TTC29: variants seen among roughly 807,000 people sequenced by gnomAD.
The protein encoded by TTC29 is tetratricopeptide repeat protein 29.
TTC29 carries 49 observed loss-of-function variants against 58.1 expected under a neutral mutation model. The observed-to-expected ratio is 0.84, with a 90% confidence interval of 0.67 to 1.07. TTC29 has a LOEUF of 1.07. Among genes scored for constraint, TTC29 ranks in the 50% least tolerant of loss-of-function variants. The pLI is 0.00. For missense variants in TTC29, 582 were observed against 555.6 expected (o/e 1.05, Z -0.48); for synonymous variants, 209 against 196.8 (o/e 1.06, Z -0.52).
chr4:146,810,405 A>T (rs1396157541), intron 10 of TTC29, among the ~76,000 whole-genome samples: 2 of 152,024 alleles, frequency 1.3e-5, no homozygotes, highest in Non-Finnish European at 1.5e-5. Flanking sequence ...AAGTATATAT[A>T]AAAAAAGTCT....
At chr4:146,781,811 A>C (rs1343529845) in intron 11 of TTC29, among the ~76,000 whole-genome samples, 1 of 151,978 alleles carries the variant, frequency 6.6e-6, no homozygotes, top group Non-Finnish European at 1.5e-5. Flanking sequence ...AATTCCACCT[A>C]GCTGTGCACA....
At chr4:146,915,918 GAT>G (rs1197484193) in intron 4 of TTC29, among the ~76,000 whole-genome samples, 2 of 151,782 alleles carry the variant, frequency 1.3e-5, no homozygotes, top group Admixed American at 6.6e-5. Context: ...AAAATCAAAA[GAT>G]ATGTAACATC....
chr4:146,867,796 T>C (rs1280788513), intron 7 of TTC29, among the ~76,000 whole-genome samples: 1 of 152,126 alleles, frequency 6.6e-6, no homozygotes, highest in African/African-American at 2.4e-5. Context: ...GCTTTAAGGA[T>C]ATAATTATAT....
At chr4:146,931,852 A>AT (rs1400053441) in intron 4 of TTC29, among the ~76,000 whole-genome samples, 2 of 152,042 alleles carry the variant, frequency 1.3e-5, no homozygotes, top group Non-Finnish European at 2.9e-5. Context: ...ATTTGAGACC[A>AT]TTTTTTTGTA....
chr4:146,895,470 C>T (rs1195042931), intron 6 of TTC29, among the ~76,000 whole-genome samples: 3 of 152,264 alleles, frequency 2.0e-5, no homozygotes, highest in Non-Finnish European at 4.4e-5. Flanking sequence ...CTTCACTTCT[C>T]ATCAAGGGAA....
chr4:146,931,622 T>C (rs1377843995), intron 4 of TTC29, among the ~76,000 whole-genome samples: 1 of 152,228 alleles, frequency 6.6e-6, no homozygotes, highest in African/African-American at 2.4e-5. Flanking sequence ...GCTCCTATAA[T>C]AGCCAGAGCT....
At chr4:146,774,307 T>G (rs1004211019) in intron 11 of TTC29, among the ~76,000 whole-genome samples, 2 of 152,200 alleles carry the variant, frequency 1.3e-5, no homozygotes, top group Non-Finnish European at 2.9e-5. Context: ...ACAGTTCCCT[T>G]ACATGTGATG....
intron 6 of TTC29, among the ~76,000 whole-genome samples, chr4:146,881,298 A>C (rs1295053455): frequency 6.6e-6 from 1 of 152,166 alleles, no homozygotes; most frequent in Non-Finnish European, 1.5e-5. Context: ...TTGCATAAAA[A>C]TAATTTGACA....
chr4:146,921,712 T>C (rs1734592797), intron 4 of TTC29, among the ~76,000 whole-genome samples: 1 of 151,200 alleles, frequency 6.6e-6, no homozygotes, highest in Non-Finnish European at 1.5e-5. Flanking sequence ...TTAATTTTTT[T>C]CAGAAACTTA....
At chr4:146,709,232 A>G (rs928572492) in intron 11 of TTC29, among the ~76,000 whole-genome samples, 4 of 152,084 alleles carry the variant, frequency 2.6e-5, no homozygotes, top group Non-Finnish European at 5.9e-5. Context: ...TCTCCTGGTC[A>G]TACTTAGACC....
Position 146,803,540 on chromosome 4 carries a change from AT to A in TTC29, c.1246del (p.Ile416Ter). ...HQMMLTVNNYIESADLTSLNY... is the reference protein window; with the variant it reads ...HQMMLTVNNYXESADLTSLNY... ...GAGGCTGGTGAGATCTGCAGACTCTATATAGTTGTTCACTGTAAGCATCATC... is the reference window on the plus strand; with the variant it reads ...GAGGCTGGTGAGATCTGCAGACTCTAATAGTTGTTCACTGTAAGCATCATC... On this transcript the variant is annotated frameshift_variant, in exon 11 of 13. Coordinates refer to ENST00000325106, the MANE Select transcript of TTC29 (RefSeq NM_031956.4). LOFTEE classifies it high-confidence loss of function. The A allele has an allele frequency of 6.2e-7, 1 of 1,603,350 alleles. No homozygotes were observed. The highest frequency in any genetic ancestry group is 8.5e-7 in the Non-Finnish European group (1 of 1,174,176).
intron 6 of TTC29, among the ~76,000 whole-genome samples, chr4:146,879,505 C>G (rs1021852931): frequency 3.3e-5 from 5 of 152,104 alleles, no homozygotes; most frequent in Non-Finnish European, 7.4e-5. Context: ...TAAAAGACCT[C>G]AATATGGTGA....
At chr4:146,761,828 T>C (rs1746932601) in intron 11 of TTC29, among the ~76,000 whole-genome samples, 1 of 151,874 alleles carries the variant, frequency 6.6e-6, no homozygotes, top group South Asian at 2.1e-4. Flanking sequence ...TTATCTGAGT[T>C]ACTAATTTGA....
At chr4:146,938,873 A>ATGT (rs1736094353) in intron 3 of TTC29, among the ~76,000 whole-genome samples, 1 of 152,228 alleles carries the variant, frequency 6.6e-6, no homozygotes, top group African/African-American at 2.4e-5. Context: ...ACTAATATGT[A>ATGT]TGTTACTAAA....
intron 11 of TTC29, among the ~76,000 whole-genome samples, chr4:146,742,590 C>T (rs1227625974): frequency 9.6e-3 from 74 of 7,720 alleles, no homozygotes; most frequent in African/African-American, 0.011. Context: ...CCTTCCTTCC[C>T]TCCCTTCCTT....
At chr4:146,915,181 C>T (rs1319047270) in intron 4 of TTC29, among the ~76,000 whole-genome samples, 14 of 152,126 alleles carry the variant, frequency 9.2e-5, no homozygotes. Context: ...CACCCAGCTC[C>T]CTCTGGTTGC....
intron 10 of TTC29, among the ~76,000 whole-genome samples, chr4:146,817,804 A>G (rs1245991729): frequency 6.6e-6 from 1 of 152,220 alleles, no homozygotes; most frequent in African/African-American, 2.4e-5. Context: ...CTGATCTTTG[A>G]CAAAACTGAG....
At chr4:146,799,906 C>CTTAAAAA (rs1455271513) in intron 11 of TTC29, among the ~76,000 whole-genome samples, 3 of 152,080 alleles carry the variant, frequency 2.0e-5, no homozygotes, top group Non-Finnish European at 4.4e-5. Context: ...ATGAGCCTTT[C>CTTAAAAA]ATTTAAAAAA....
chr4:146,889,922 A>G (rs1040212276), intron 6 of TTC29, among the ~76,000 whole-genome samples: 1 of 152,192 alleles, frequency 6.6e-6, no homozygotes, highest in Admixed American at 6.5e-5. Context: ...TCAATTGATC[A>G]CCATGCACAT....
Sources: allele counts gnomAD v4.1 joint callset (sites outside exome capture counted in the v4.1 genomes callset), GRCh38; gene constraint gnomAD v4.1.1; transcripts MANE v1.5; gene names NCBI Gene and HGNC (gene_info 2026-07-23, HGNC 2026-07-21).